The following DCTN2 variants were observed in gnomAD, a reference collection of about 807,000 sequenced individuals.
The protein encoded by DCTN2 is dynactin subunit 2.
Under a neutral mutation model 55.4 loss-of-function variants are expected in DCTN2, and 18 were observed. The observed-to-expected ratio is 0.32, with a 90% CI of 0.22 to 0.48. DCTN2 has a LOEUF of 0.48. DCTN2 is among the 20% of genes least tolerant of loss of function. The pLI is 0.99. For missense variants in DCTN2, 390 were observed against 491.0 expected, an observed-to-expected ratio of 0.79 and a Z score of 1.94; for synonymous variants, 168 against 185.2, an observed-to-expected ratio of 0.91 and a Z score of 0.76.
intron 2 of DCTN2, chr12:57,542,817 T>C: frequency 2.2e-6 from 1 of 455,764 alleles, no homozygotes. Context: ...AGACTCTGTC[T>C]CAAAAACCAA....
chr12:57,542,645 C>T (rs567390434), intron 2 of DCTN2, among the ~76,000 whole-genome samples: 21 of 152,104 alleles, frequency 1.4e-4, no homozygotes, highest in Non-Finnish European at 2.5e-4. Context: ...TGGTGAAACC[C>T]CATCTCTACT....
rs376486016 is a variant in DCTN2 at position 57,545,983 on chromosome 12, G to A, written c.105+45C>T. On this transcript the variant is annotated intron_variant, in intron 2 of 13. Transcript: ENST00000548249. Reference sequence around the variant, plus strand: ...GAAAGGGAAGGACCTGTCTAGGGGAGAAAGGTCAGAGTCCGGAGGAGTCTG... The same window carrying A: ...GAAAGGGAAGGACCTGTCTAGGGGAAAAAGGTCAGAGTCCGGAGGAGTCTG... The A allele has an allele frequency of 2.5e-6, 4 of 1,600,850 alleles. No homozygotes were observed. The African/African-American group carries it at 5.4e-5, about 21-fold the overall frequency.
At position 57,532,788 on chromosome 12, in the gene DCTN2, G is replaced by A; in HGVS notation, c.797C>T (p.Ala266Val). 1 of 1,613,980 alleles carries A rather than the reference G, an allele frequency of 6.2e-7. No homozygotes were observed. The highest frequency in any genetic ancestry group is 8.5e-7 in the Non-Finnish European group (1 of 1,179,888). ...TGCAAGGTCTAGGGCGCTCACCTTT[G>A]CTTGCAACAGCTCTACAGTCTCCTG... ...CLMETVELLQ[A>V]KVSALDLAVL... Residue 266 changes from alanine to valine, a missense_variant, in exon 10 of 14, where the codon GCA (alanine) becomes GTA (valine). This residue lies in a region of DCTN2 where 273 missense variants were observed against 303.2 expected (regional missense o/e 0.90). Coordinates refer to ENST00000548249, the MANE Select transcript of DCTN2 (RefSeq NM_001261413.2).
intron 1 of DCTN2, 46 bp downstream of exon 1, chr12:57,546,982 G>A: frequency 7.9e-7 from 1 of 1,270,220 alleles, no homozygotes; most frequent in Non-Finnish European, 1.0e-6. Context: ...GTCCTTGGGA[G>A]GTCGGGGGCG....
chr12:57,532,441 C>T (rs917321049), intron 11 of DCTN2, 126 bp from the exon 12 acceptor site: 13 of 1,343,160 alleles, frequency 9.7e-6, no homozygotes, highest in African/African-American at 8.7e-5. Context: ...CCTGACTTTC[C>T]AAGCTGATAA....
At chr12:57,532,482 C>T in intron 11 of DCTN2, 90 bp downstream of exon 11, 2 of 1,438,372 alleles carry the variant, frequency 1.4e-6, no homozygotes, top group Non-Finnish European at 2.0e-6. Context: ...AAGATGGGGA[C>T]CTGAGGAGTC....
In DCTN2 at chr12:57,532,080, G is replaced by A; in HGVS notation, c.1054C>T (p.His352Tyr). The A allele has an allele frequency of 6.4e-7, 1 of 1,564,088 alleles. No homozygotes were observed. Among genetic ancestry groups the A allele is most frequent in the East Asian group, 2.4e-5 (1 of 42,302 alleles). Residue 352 changes from histidine to tyrosine, a missense_variant, in exon 13 of 14, where the codon CAC becomes TAC. His to Tyr is a moderately conservative substitution (Grantham distance 83). Around this residue, in one of 2 missense-constraint regions of DCTN2, gnomAD observed 273 missense variants for 303.2 expected, o/e 0.90. Coordinates refer to ENST00000548249, the MANE Select transcript of DCTN2 (RefSeq NM_001261413.2). The stretch of plus-strand genomic sequence containing the variant: ...ATCATCTGCTGGGTGGTATCCAAGT[G>A]TGTCAGGAGCTGACCAAACTGCATG... ...QAMQFGQLLT[H>Y]LDTTQQMIAN...
chr12:57,530,609 TA>T lies in DCTN2; in HGVS notation c.*79del. On this transcript the variant is annotated 3_prime_UTR_variant, in exon 14 of 14. Transcript: ENST00000548249. ...TGGGATGGGGATGCTAGAGTTATAG[TA>T]AAGGGGAAACCCTATGTAAGCTGTT... 1 of 1,266,378 alleles carries T rather than the reference TA, an allele frequency of 7.9e-7. No homozygotes were observed. The highest frequency in any genetic ancestry group is 1.1e-6 in the Non-Finnish European group (1 of 886,928). 78.4% of individuals were successfully genotyped at this position (1,266,378 alleles called of 1,614,324 possible). A position where few individuals can be genotyped will look rare whatever the true frequency, so the allele number is the denominator to read the frequency against.
chr12:57,543,903 C>T (rs1486903443), intron 2 of DCTN2: 2 of 1,104,902 alleles, frequency 1.8e-6, no homozygotes, highest in Admixed American at 2.3e-5. Context: ...GCTGTTCAGG[C>T]TCTGGGGGAG....
At position 57,533,770 on chromosome 12, in the gene DCTN2, C is replaced by CA. The variant is rs34012531; in HGVS notation, c.669+182dup. Among the ~76,000 whole-genome samples, 204 of 124,830 alleles carry CA rather than the reference C, an allele frequency of 1.6e-3. 4 individuals carry two copies. The East Asian group carries it at 0.031, about 19-fold the overall frequency. The allele number at this position is 124,830 out of a possible 152,430, so 81.9% of individuals were successfully genotyped here. ...TGGGAAACAGTGCAAGACTCCGTCT[C>CA]AAAAAAAAAAAAAAAAGAAAGAAAC... On this transcript the variant is annotated intron_variant, in intron 7 of 13. Coordinates refer to ENST00000548249, the MANE Select transcript of DCTN2 (RefSeq NM_001261413.2).
intron 13 of DCTN2, 53 bp downstream of exon 13, chr12:57,531,962 C>T (rs1879759822): frequency 6.4e-7 from 1 of 1,551,502 alleles, no homozygotes; most frequent in Non-Finnish European, 8.7e-7. Flanking sequence ...CACTGGAGAA[C>T]CTAGTTTGCA....
intron 2 of DCTN2, chr12:57,543,031 G>A (rs1565683967): frequency 6.6e-6 from 3 of 455,240 alleles, no homozygotes; most frequent in South Asian, 1.5e-5. Flanking sequence ...AGATTAAGGC[G>A]GAGAATGCTG....
intron 9 of DCTN2, 65 bp downstream of exon 9, chr12:57,532,919 C>A: frequency 6.3e-7 from 1 of 1,594,128 alleles, no homozygotes. Context: ...AAATAATCCT[C>A]AAAGCAAACC....
rs1879574555 is a variant in DCTN2 at position 57,530,557 on chromosome 12, A to G, written c.*132T>C. Reference sequence around the variant, plus strand: ...GGGAGGGGTATAAACCCCACATGCAAGAAGAACCCTTGCCCCCAGTGTCAA... The same window carrying G: ...GGGAGGGGTATAAACCCCACATGCAGGAAGAACCCTTGCCCCCAGTGTCAA... On this transcript the variant is annotated 3_prime_UTR_variant, in exon 14 of 14. Coordinates refer to ENST00000548249, the MANE Select transcript of DCTN2 (RefSeq NM_001261413.2). The G allele has an allele frequency of 1.3e-6, 1 of 784,534 alleles. No homozygotes were observed. The highest frequency in any genetic ancestry group is 1.7e-5 in the African/African-American group (1 of 57,650). The allele number at this position is 784,534 out of a possible 1,614,324, so 48.6% of individuals were successfully genotyped here.
intron 7 of DCTN2, among the ~76,000 whole-genome samples, 177 bp from the exon 8 acceptor site, chr12:57,533,480 T>G (rs575673344): frequency 3.3e-5 from 5 of 152,156 alleles, no homozygotes; most frequent in Admixed American, 1.3e-4. Context: ...GAGGGAAACA[T>G]AGAGAATGAG....
chr12:57,545,997 C>T (rs1350990756), intron 2 of DCTN2, 31 bp downstream of exon 2: 7 of 1,611,002 alleles, frequency 4.3e-6, no homozygotes, highest in Non-Finnish European at 5.9e-6. Flanking sequence ...GGTCAGAGTC[C>T]GGAGGAGTCT....
chr12:57,543,579 A>G (rs1356774110), intron 2 of DCTN2, among the ~76,000 whole-genome samples: 1 of 152,198 alleles, frequency 6.6e-6, no homozygotes, highest in Non-Finnish European at 1.5e-5. Context: ...TGGCAGAGCC[A>G]TTACTCAGCT....
rs938363402 is a variant in DCTN2, at chr12:57,530,632, T to C, written c.*57A>G. ...AGTAAAGGGGAAACCCTATGTAAGC[T>C]GTTAACAGAGTTCACAGGGGTAGGG... On this transcript the variant is annotated 3_prime_UTR_variant, in exon 14 of 14. Transcript: ENST00000548249. 1 of 1,437,754 alleles carries C rather than the reference T, an allele frequency of 7.0e-7. No homozygotes were observed. The highest frequency in any genetic ancestry group is 9.7e-7 in the Non-Finnish European group (1 of 1,026,524). The allele number at this position is 1,437,754 out of a possible 1,614,324, so 89.1% of individuals were successfully genotyped here.
chr12:57,545,323 T>C (rs767195283), intron 2 of DCTN2, among the ~76,000 whole-genome samples: 3 of 152,200 alleles, frequency 2.0e-5, no homozygotes, highest in Admixed American at 1.3e-4. Flanking sequence ...ATGTTTCCTA[T>C]ATGTATCCTA....
Sources: allele counts gnomAD v4.1 joint callset (sites outside exome capture counted in the v4.1 genomes callset), GRCh38; gene constraint gnomAD v4.1.1; regional missense constraint gnomAD v4.1.1; transcripts MANE v1.5; gene names NCBI Gene and HGNC (gene_info 2026-07-23, HGNC 2026-07-21).